SLC10A4: variants seen among roughly 807,000 people sequenced by gnomAD.
SLC10A4 encodes the protein solute carrier family 10 member 4.
In SLC10A4, 17 loss-of-function variants were observed where a neutral mutation model predicts 22.5. The ratio of observed to expected loss-of-function variants is 0.76; its 90% CI spans 0.52 to 1.14. The LOEUF (loss-of-function observed/expected upper bound fraction) is 1.14, where lower values mean the gene tolerates loss of function less well. SLC10A4 is among the 50% of genes most tolerant of loss of function. The pLI is 0.00. For missense variants in SLC10A4, 548 were observed against 584.0 expected (o/e 0.94, Z 0.64); for synonymous variants, 257 against 258.2 (o/e 1.00, Z 0.04).
intron 2 of SLC10A4, among the ~76,000 whole-genome samples, chr4:48,487,787 GCTTTTT>G (rs1560480801): frequency 1.3e-5 from 1 of 77,728 alleles, no homozygotes; most frequent in South Asian, 4.7e-4. Flanking sequence ...TTTTTGAAGA[GCTTTTT>G]TTTTTTTTTT....
Position 48,488,469 on chromosome 4 carries a change from A to T in SLC10A4, c.844A>T (p.Ile282Leu). The change falls in exon 3 of 3, where the codon ATA becomes TTA. Residue 282 changes from isoleucine to leucine, a missense_variant. Ile to Leu is a conservative substitution (Grantham distance 5, BLOSUM62 2). Around this residue, in one of 3 missense-constraint regions of SLC10A4, gnomAD observed 314 missense variants for 353.2 expected, o/e 0.89. Coordinates refer to ENST00000273861, the MANE Select transcript of SLC10A4 (RefSeq NM_152679.4). ...SLLVTLVVLF[I>L]MTGTMLGPEL... is the part of the protein sequence containing the mutation. ...GCTAGTGACTCTGGTGGTCCTTTTC[A>T]TAATGACCGGCACTATGTTAGGACC... 6.2e-7 allele frequency: 1 copy of T among 1,612,422 alleles called. No individual in the cohort carries two copies. The highest frequency in any genetic ancestry group is 1.7e-5 in the Admixed American group (1 of 59,856).
Position 48,483,861 on chromosome 4 carries a change from G to A in SLC10A4, c.300G>A (p.Pro100=), listed in dbSNP as rs1718227838. 1.3e-6 allele frequency: 2 copies of A among 1,542,288 alleles called. No homozygotes were observed. The highest frequency in any genetic ancestry group is 1.7e-6 in the Non-Finnish European group (2 of 1,146,012). Reference sequence around the variant, plus strand: ...ACGCGCTCCCGTTCTGGGACACGCCGCTGAACCACGGGCTGAACGTGTTCG... The same window carrying A: ...ACGCGCTCCCGTTCTGGGACACGCCACTGAACCACGGGCTGAACGTGTTCG... ...APHALPFWDT[P]LNHGLNVFVG... is the part of the protein sequence containing the mutation. Residue 100 remains proline (P), a synonymous_variant, in exon 1 of 3, where the codon CCG becomes CCA. Transcript: ENST00000273861. This position sits in a 1 kb window ranked among gnomAD's most constrained non-coding sequence, Gnocchi z 5.4.
rs142071292 is a variant in SLC10A4 at position 48,488,477 on chromosome 4, C to T, written c.852C>T (p.Thr284=). 8.4e-5 allele frequency: 135 copies of T among 1,613,052 alleles called. 2 individuals are homozygous for T. The highest frequency in any genetic ancestry group is 5.4e-4 in the South Asian group (49 of 90,920). The change falls in exon 3 of 3, where the codon ACC becomes ACT. Residue 284 remains threonine (T), a synonymous_variant. Coordinates refer to ENST00000273861, the MANE Select transcript of SLC10A4 (RefSeq NM_152679.4). ...CTCTGGTGGTCCTTTTCATAATGAC[C>T]GGCACTATGTTAGGACCTGAACTGC... ...LVTLVVLFIM[T]GTMLGPELLA...
Position 48,483,833 on chromosome 4 carries a change from C to G in SLC10A4, c.272C>G (p.Pro91Arg), listed in dbSNP as rs752991725. 4.4e-4 allele frequency: 674 copies of G among 1,535,100 alleles called. 3 individuals carry two copies. In the Middle Eastern group the frequency reaches 4.8e-3, roughly 11 times the overall value. ...GPSPFPRPWA[P>R]HALPFWDTPL... ...TCCCCGTTCCCTCGGCCCTGGGCGCCCCACGCGCTCCCGTTCTGGGACACG... is the reference window on the plus strand; with the variant it reads ...TCCCCGTTCCCTCGGCCCTGGGCGCGCCACGCGCTCCCGTTCTGGGACACG... Residue 91 changes from proline to arginine, a missense_variant, in exon 1 of 3, where the codon CCC becomes CGC. Physicochemically the swap from Pro to Arg is moderately radical, Grantham distance 103. Transcript: ENST00000273861. The surrounding 1 kb of genome is among the most constrained non-coding windows in gnomAD (Gnocchi z 5.4).
intron 2 of SLC10A4, among the ~76,000 whole-genome samples, chr4:48,487,183 A>G (rs1718296482): frequency 6.6e-6 from 1 of 152,248 alleles, no homozygotes; most frequent in South Asian, 2.1e-4. Flanking sequence ...CGTTTTATAC[A>G]GAAGTCAGTT....
In SLC10A4 at chr4:48,483,553, G is replaced by C; in HGVS notation, c.-9G>C. 1 of 1,495,332 alleles carries C rather than the reference G, an allele frequency of 6.7e-7. No individual in the cohort carries two copies. The highest frequency in any genetic ancestry group is 8.9e-7 in the Non-Finnish European group (1 of 1,126,954). The allele number at this position is 1,495,332 out of a possible 1,614,324, so 92.6% of individuals were successfully genotyped here. ...GGAGGGGACCGGAATCCGCAGCTCC[G>C]GCCGCGCCATGGACGGCAACGACAA... is the stretch of plus-strand genomic sequence containing the variant. On this transcript the variant is annotated 5_prime_UTR_variant, in exon 1 of 3. Coordinates refer to ENST00000273861, the MANE Select transcript of SLC10A4 (RefSeq NM_152679.4). The surrounding 1 kb of genome is among the most constrained non-coding windows in gnomAD (Gnocchi z 5.4).
Position 48,485,142 on chromosome 4 carries a change from G to A in SLC10A4, c.801G>A (p.Lys267=). Residue 267 remains lysine, a splice_region_variant and synonymous_variant, in exon 2 of 3, where the codon AAG becomes AAA. Transcript: ENST00000273861. Reference sequence around the variant, plus strand: ...GCCGGGTGGCTGACTACATTGTGAAGGTAAGGCCCCCTCTTCCCTTTCCAT... The same window carrying A: ...GCCGGGTGGCTGACTACATTGTGAAAGTAAGGCCCCCTCTTCCCTTTCCAT... ...KYSRVADYIV[K]VSLWSLLVTL... 6.2e-7 allele frequency: 1 copy of A among 1,613,974 alleles called. No homozygotes were observed. Among genetic ancestry groups the A allele is most frequent in the Non-Finnish European group, 8.5e-7 (1 of 1,179,908 alleles).
chr4:48,484,992 G>T lies in SLC10A4; in HGVS notation c.651G>T (p.Trp217Cys). 1 of 1,614,084 alleles carries T rather than the reference G, an allele frequency of 6.2e-7. No individual in the cohort carries two copies. The highest frequency in any genetic ancestry group is 1.3e-5 in the African/African-American group (1 of 74,998). ...TCGTCTTGATGCCCCTGTGCCTGTG[G>T]ATCTACAGCTGGGCTTGGATCAACA... ...LALVLMPLCL[W>C]IYSWAWINTP... Residue 217 changes from tryptophan (W) to cysteine (C), a missense_variant, in exon 2 of 3, where the codon TGG (tryptophan) becomes TGT (cysteine). Coordinates refer to ENST00000273861, the MANE Select transcript of SLC10A4 (RefSeq NM_152679.4).
Position 48,483,682 on chromosome 4 carries a change from A to G in SLC10A4, c.121A>G (p.Ser41Gly), listed in dbSNP as rs748609382. 6.1e-6 allele frequency: 9 copies of G among 1,474,330 alleles called. No homozygotes were observed. Among genetic ancestry groups the G allele is most frequent in the African/African-American group, 1.5e-5 (1 of 67,910 alleles). 91.3% of individuals were successfully genotyped at this position (1,474,330 alleles called of 1,614,324 possible). A position where few individuals can be genotyped will look rare whatever the true frequency, so the allele number is the denominator to read the frequency against. ...GTDLALAPAS[S>G]AGPGPGLSLG... ...GGACCTCGCCCTCGCCCCTGCCTCC[A>G]GCGCCGGCCCCGGCCCTGGGCTCAG... is the stretch of plus-strand genomic sequence containing the variant. Residue 41 changes from serine (S) to glycine (G), a missense_variant, in exon 1 of 3, where the codon AGC becomes GGC. Physicochemically the swap from Ser to Gly is moderately conservative, Grantham distance 56 (BLOSUM62 0). This residue lies in a region of SLC10A4 where 225 missense variants were observed against 206.9 expected (regional missense o/e 1.09). Coordinates refer to ENST00000273861, the MANE Select transcript of SLC10A4 (RefSeq NM_152679.4). The surrounding 1 kb of genome is among the most constrained non-coding windows in gnomAD (Gnocchi z 5.4).
At chr4:48,486,943 G>A (rs961084913) in intron 2 of SLC10A4, among the ~76,000 whole-genome samples, 4 of 152,004 alleles carry the variant, frequency 2.6e-5, no homozygotes, top group African/African-American at 7.2e-5. Flanking sequence ...CGCCATTCCC[G>A]AAGACTGCAA....
chr4:48,489,271 A>T lies in SLC10A4; in HGVS notation c.*332A>T. ...AAATGTAGAATTTTGGCGCACTATG[A>T]GGAAAAACAAGCTATCTTTGTAAAG... On this transcript the variant is annotated 3_prime_UTR_variant, in exon 3 of 3. Transcript: ENST00000273861. The T allele has an allele frequency of 5.0e-6, 1 of 198,648 alleles. No homozygotes were observed. The highest frequency in any genetic ancestry group is 1.0e-5 in the Non-Finnish European group (1 of 98,488). The allele number at this position is 198,648 out of a possible 1,614,324, so 12.3% of individuals were successfully genotyped here.
chr4:48,486,785 T>G (rs559032401), intron 2 of SLC10A4, among the ~76,000 whole-genome samples: 1 of 152,296 alleles, frequency 6.6e-6, no homozygotes, highest in South Asian at 2.1e-4. Flanking sequence ...TTTGAAATGG[T>G]ATGCTTTTAC....
Position 48,488,844 on chromosome 4 carries a change from A to G in SLC10A4, c.1219A>G (p.Lys407Glu). Residue 407 changes from lysine to glutamate, a missense_variant, in exon 3 of 3, where the codon AAA becomes GAA. This residue lies in a region of SLC10A4 where 314 missense variants were observed against 353.2 expected (regional missense o/e 0.89). Transcript: ENST00000273861. ...DEDEDTDISYKKLKEEEMADT... is the reference protein window; with the variant it reads ...DEDEDTDISYEKLKEEEMADT... ...AGATGAAGATACAGATATTTCTTAT[A>G]AAAAACTAAAAGAAGAGGAAATGGC... 6.2e-7 allele frequency: 1 copy of G among 1,613,886 alleles called. No homozygotes were observed. The highest frequency in any genetic ancestry group is 8.5e-7 in the Non-Finnish European group (1 of 1,179,964).
intron 2 of SLC10A4, among the ~76,000 whole-genome samples, chr4:48,485,874 A>G (rs537546399): frequency 2.0e-4 from 30 of 152,314 alleles, no homozygotes; most frequent in African/African-American, 6.3e-4. Context: ...TTAAAAAATG[A>G]ATGCTTTCTG....
rs754284668 is a variant in SLC10A4 at position 48,488,754 on chromosome 4, A to G, written c.1129A>G (p.Ile377Val). 5 of 1,613,992 alleles carry G rather than the reference A, an allele frequency of 3.1e-6. No homozygotes were observed. Among genetic ancestry groups the G allele is most frequent in the South Asian group, 2.2e-5 (2 of 91,082 alleles). Residue 377 changes from isoleucine to valine, a missense_variant, in exon 3 of 3, where the codon ATT (isoleucine) becomes GTT (valine). Physicochemically the swap from Ile to Val is conservative, Grantham distance 29 (BLOSUM62 3). Coordinates refer to ENST00000273861, the MANE Select transcript of SLC10A4 (RefSeq NM_152679.4). ...YALFQSAEAG[I>V]FVLIYKMYGS... ...ACTTTTCCAGTCTGCAGAAGCGGGG[A>G]TTTTTGTTTTAATCTATAAAATGTA...
In SLC10A4 at chr4:48,484,278, G is replaced by C. The variant is rs547103558; in HGVS notation, c.590+127G>C. 1.0e-4 allele frequency: 105 copies of C among 1,000,466 alleles called. No individual in the cohort carries two copies. In the African/African-American group the frequency reaches 1.5e-3, roughly 14 times the overall value. 62.0% of individuals were successfully genotyped at this position (1,000,466 alleles called of 1,614,324 possible). A position where few individuals can be genotyped will look rare whatever the true frequency, so the allele number is the denominator to read the frequency against. On this transcript the variant is annotated intron_variant, in intron 1 of 2. Coordinates refer to ENST00000273861, the MANE Select transcript of SLC10A4 (RefSeq NM_152679.4). ...AGGCGTGGAGGAAGGAGGAGAAAAG[G>C]AGAGGAAGTTGATGACGCCCCGGCT...
chr4:48,488,661 G>A lies in SLC10A4; in HGVS notation c.1036G>A (p.Ala346Thr). The change falls in exon 3 of 3, where the codon GCC becomes ACC. Residue 346 changes from alanine to threonine, a missense_variant. This residue lies in a region of SLC10A4 where 314 missense variants were observed against 353.2 expected (regional missense o/e 0.89). Transcript: ENST00000273861. Reference protein sequence around the residue: ...TGSQNVQLCTAILKLAFPPQF... With the variant: ...TGSQNVQLCTTILKLAFPPQF... ...TAGTCAGAATGTGCAGCTCTGTACA[G>A]CCATTCTAAAACTGGCCTTTCCACC... is the stretch of plus-strand genomic sequence containing the variant. The A allele has an allele frequency of 6.2e-7, 1 of 1,614,048 alleles. No individual in the cohort carries two copies. The highest frequency in any genetic ancestry group is 8.5e-7 in the Non-Finnish European group (1 of 1,180,038).
At position 48,484,136 on chromosome 4, in the gene SLC10A4, G is replaced by A; in HGVS notation, c.575G>A (p.Gly192Asp). ...LSNLMSLLVD[G>D]DMNLSIIMTI... is the part of the protein sequence containing the mutation. ...AATCTTATGTCCCTGCTGGTTGACG[G>A]CGACATGAACCTCAGGTACGGATCT... The change falls in exon 1 of 3, where the codon GGC becomes GAC. Residue 192 changes from glycine to aspartate, a missense_variant. By Grantham distance (94) the Gly-to-Asp change is moderately conservative. Around this residue, in one of 3 missense-constraint regions of SLC10A4, gnomAD observed 314 missense variants for 353.2 expected, o/e 0.89. Coordinates refer to ENST00000273861, the MANE Select transcript of SLC10A4 (RefSeq NM_152679.4). The A allele has an allele frequency of 6.3e-7, 1 of 1,579,784 alleles. No individual in the cohort carries two copies.
In SLC10A4 at chr4:48,488,550, T is replaced by G. The variant is rs1401830678; in HGVS notation, c.925T>G (p.Leu309Val). The G allele has an allele frequency of 1.2e-6, 2 of 1,613,974 alleles. No homozygotes were observed. The highest frequency in any genetic ancestry group is 1.7e-6 in the Non-Finnish European group (2 of 1,180,016). The change falls in exon 3 of 3, where the codon TTG becomes GTG. Residue 309 changes from leucine to valine, a missense_variant. Around this residue, in one of 3 missense-constraint regions of SLC10A4, gnomAD observed 314 missense variants for 353.2 expected, o/e 0.89. Transcript: ENST00000273861. ...AVYVIAIFMPLAGYASGYGLA... is the reference protein window; with the variant it reads ...AVYVIAIFMPVAGYASGYGLA... ...TTATGTGATAGCAATTTTTATGCCT[T>G]TGGCAGGCTACGCTTCAGGTTATGG...
Sources: allele counts gnomAD v4.1 joint callset (sites outside exome capture counted in the v4.1 genomes callset), GRCh38; gene constraint gnomAD v4.1.1; regional missense constraint gnomAD v4.1.1; non-coding constraint Gnocchi (gnomAD v3.1); transcripts MANE v1.5; gene names NCBI Gene and HGNC (gene_info 2026-07-23, HGNC 2026-07-21).